Variants in PREX1 observed in about 807,000 individuals in gnomAD.
The protein encoded by PREX1 is phosphatidylinositol 3,4,5-trisphosphate-dependent Rac exchanger 1 protein.
PREX1 carries 41 observed loss-of-function variants against 198.3 expected under a neutral mutation model. The observed-to-expected ratio is 0.21, with a 90% confidence interval of 0.16 to 0.27. The LOEUF is 0.27. Among genes scored for constraint, PREX1 ranks in the 10% least tolerant of loss-of-function variants. PREX1 has a pLI of 1.00. For missense variants in PREX1, 1,620 were observed against 2,200.7 expected, an observed-to-expected ratio of 0.74 and a Z score of 5.28; for synonymous variants, 843 against 887.2, an observed-to-expected ratio of 0.95 and a Z score of 0.89.
intron 1 of PREX1, among the ~76,000 whole-genome samples, chr20:48,782,168 A>G (rs2090292438): frequency 6.6e-6 from 1 of 152,112 alleles, no homozygotes; most frequent in African/African-American, 2.4e-5. Flanking sequence ...TGGGTCACTG[A>G]TATTGTTTGG....
intron 7 of PREX1, among the ~76,000 whole-genome samples, chr20:48,700,413 A>G (rs2089867706): frequency 6.6e-6 from 1 of 152,366 alleles, no homozygotes; most frequent in South Asian, 2.1e-4. Flanking sequence ...ACTTAGTGTT[A>G]AAAAACAACA....
the PREX1 span, among the ~76,000 whole-genome samples, chr20:48,867,374 C>A: frequency 6.6e-6 from 1 of 152,214 alleles, no homozygotes; most frequent in Non-Finnish European, 1.5e-5. Flanking sequence ...ACCTTGAAAG[C>A]ACCTACCCCA....
Position 48,625,842 on chromosome 20 carries a change from C to G in PREX1, c.*43G>C, listed in dbSNP as rs1434679474. 6.5e-7 allele frequency: 1 copy of G among 1,529,430 alleles called. No individual in the cohort carries two copies. The allele number at this position is 1,529,430 out of a possible 1,614,324, so 94.7% of individuals were successfully genotyped here. A position where few individuals can be genotyped will look rare whatever the true frequency, so the allele number is the denominator to read the frequency against. The stretch of plus-strand genomic sequence containing the variant: ...CGCTGCCTGCTGTGTCCTCCCAAAT[C>G]CCAGCTCCAGAGGCCGCGGCCCAGC... On this transcript the variant is annotated 3_prime_UTR_variant, in exon 40 of 40. Coordinates refer to ENST00000371941, the MANE Select transcript of PREX1 (RefSeq NM_020820.4).
chr20:48,662,301 G>A (rs924326810), intron 15 of PREX1, among the ~76,000 whole-genome samples: 3 of 152,184 alleles, frequency 2.0e-5, no homozygotes, highest in Non-Finnish European at 4.4e-5. Flanking sequence ...TTGCATATTG[G>A]CCAAAATATT....
chr20:48,840,252 T>A, the PREX1 span, among the ~76,000 whole-genome samples: 4 of 150,688 alleles, frequency 2.7e-5, no homozygotes, highest in Admixed American at 2.7e-4. Flanking sequence ...TGGGCTCAGG[T>A]GATCCTCCTG....
chr20:48,629,350 T>C (rs2089296102), intron 37 of PREX1, 99 bp downstream of exon 37: 6 of 1,460,800 alleles, frequency 4.1e-6, no homozygotes, highest in Non-Finnish European at 5.6e-6. Context: ...GAACCAGGAT[T>C]GGAACCCAGC....
rs56385378 is a variant in PREX1 at position 48,667,917 on chromosome 20, G to A, written c.1666-1562C>T. Among the ~76,000 whole-genome samples, 415 of 152,270 alleles carry A rather than the reference G, an allele frequency of 2.7e-3. 2 individuals carry two copies. Among genetic ancestry groups the A allele is most frequent in the African/African-American group, 9.7e-3 (402 of 41,540 alleles). ...GACCCCAAGGACAAGGAAAAGCAGCGCTGATTGTCCCTCACAGCGGTGTGC... is the reference window on the plus strand; with the variant it reads ...GACCCCAAGGACAAGGAAAAGCAGCACTGATTGTCCCTCACAGCGGTGTGC... On this transcript the variant is annotated intron_variant, in intron 14 of 39. Coordinates refer to ENST00000371941, the MANE Select transcript of PREX1 (RefSeq NM_020820.4).
At chr20:48,708,764 G>A (rs1040643704) in intron 5 of PREX1, among the ~76,000 whole-genome samples, 5 of 152,116 alleles carry the variant, frequency 3.3e-5, no homozygotes, top group African/African-American at 7.2e-5. Flanking sequence ...GCCGGGCAGG[G>A]GGCACCGTGG....
chr20:48,849,214 C>G, the PREX1 span, among the ~76,000 whole-genome samples: 1 of 152,118 alleles, frequency 6.6e-6, no homozygotes, highest in African/African-American at 2.4e-5. Context: ...CTTAACATGT[C>G]AGAGTATTCC....
chr20:48,720,486 G>A (rs1040890488), intron 5 of PREX1, among the ~76,000 whole-genome samples: 1 of 151,920 alleles, frequency 6.6e-6, no homozygotes, highest in Non-Finnish European at 1.5e-5. Context: ...CCTAAACACT[G>A]CAGCACCAAC....
chr20:48,861,806 G>A, the PREX1 span, among the ~76,000 whole-genome samples: 3 of 152,216 alleles, frequency 2.0e-5, no homozygotes, highest in South Asian at 6.2e-4. Context: ...CCCACAACTT[G>A]ACTCCCTCTC....
At chr20:48,843,099 C>T in the PREX1 span, among the ~76,000 whole-genome samples, 2 of 152,180 alleles carry the variant, frequency 1.3e-5, no homozygotes, top group African/African-American at 2.4e-5. Flanking sequence ...CCTTGACTCT[C>T]GTATTATCTG....
At chr20:48,771,743 C>A (rs146041803) in intron 1 of PREX1, among the ~76,000 whole-genome samples, 5 of 152,370 alleles carry the variant, frequency 3.3e-5, no homozygotes, top group Non-Finnish European at 7.3e-5. Context: ...AGAATTCCTT[C>A]ATGCCGGACA....
At chr20:48,883,537 G>A in the PREX1 span, among the ~76,000 whole-genome samples, 3 of 152,124 alleles carry the variant, frequency 2.0e-5, no homozygotes, top group African/African-American at 4.8e-5. Context: ...TAATAAACAA[G>A]CTTAGCAAAG....
chr20:48,649,171 T>C, intron 25 of PREX1, 129 bp downstream of exon 25: 1 of 1,323,092 alleles, frequency 7.6e-7, no homozygotes, highest in Non-Finnish European at 1.0e-6. Flanking sequence ...AAGATACTGC[T>C]AAATAGCCTA....
intron 13 of PREX1, 107 bp downstream of exon 13, chr20:48,679,253 T>A (rs2089730138): frequency 2.1e-6 from 2 of 961,510 alleles, no homozygotes; most frequent in Admixed American, 2.2e-5. Flanking sequence ...GCAAGCCCCA[T>A]TTAATGGAGA....
At chr20:48,836,943 G>T in the PREX1 span, among the ~76,000 whole-genome samples, 1 of 147,446 alleles carries the variant, frequency 6.8e-6, no homozygotes, top group Non-Finnish European at 1.5e-5. Flanking sequence ...CGCTCTGCCA[G>T]CTCTCTGAGG....
At chr20:48,786,208 G>A (rs1432790235) in intron 1 of PREX1, among the ~76,000 whole-genome samples, 1 of 152,136 alleles carries the variant, frequency 6.6e-6, no homozygotes, top group Non-Finnish European at 1.5e-5. Context: ...GTGGCATGCT[G>A]GGGGCGGGGG....
intron 10 of PREX1, among the ~76,000 whole-genome samples, chr20:48,687,377 G>C (rs944998164): frequency 6.6e-5 from 10 of 152,220 alleles, no homozygotes; most frequent in African/African-American, 2.4e-4. Flanking sequence ...CAGCTTTCCA[G>C]CGCCTTAAAG....
Sources: allele counts gnomAD v4.1 joint callset (sites outside exome capture counted in the v4.1 genomes callset), GRCh38; gene constraint gnomAD v4.1.1; transcripts MANE v1.5; gene names NCBI Gene and HGNC (gene_info 2026-07-23, HGNC 2026-07-21).